Variants in CRIM1 observed in about 807,000 individuals in gnomAD.
The protein encoded by CRIM1 is cysteine-rich motor neuron 1 protein.
A neutral mutation model predicts 116.4 loss-of-function variants in CRIM1; 32 were observed. That is an observed-to-expected ratio of 0.27 (90% confidence interval 0.21 to 0.37). The LOEUF (loss-of-function observed/expected upper bound fraction) is 0.37. Ranked by LOEUF, CRIM1 falls within the 10% of genes least tolerant of loss-of-function variation. The pLI, the probability that CRIM1 is intolerant of heterozygous loss-of-function variation, is 1.00. For missense variants in CRIM1, 1,331 were observed against 1,354.8 expected, an observed-to-expected ratio of 0.98 and a Z score of 0.28; for synonymous variants, 590 against 509.2, an observed-to-expected ratio of 1.16 and a Z score of -2.13.
chr2:36,535,970 C>T (rs905090908), intron 13 of CRIM1, among the ~76,000 whole-genome samples: 1 of 152,144 alleles, frequency 6.6e-6, no homozygotes, highest in African/African-American at 2.4e-5. Flanking sequence ...GGCACATGAG[C>T]GTCTTTGGAT....
chr2:36,415,137 G>A (rs183271865), intron 2 of CRIM1, among the ~76,000 whole-genome samples: 12 of 152,222 alleles, frequency 7.9e-5, no homozygotes, highest in Non-Finnish European at 1.6e-4. Context: ...AATTAGGTTG[G>A]ATTTGGGGGT....
At chr2:36,500,738 A>T (rs1680928084) in intron 8 of CRIM1, among the ~76,000 whole-genome samples, 1 of 152,252 alleles carries the variant, frequency 6.6e-6, no homozygotes, top group Non-Finnish European at 1.5e-5. Flanking sequence ...AGACCTGCAG[A>T]ATGATGCTGA....
chr2:36,452,629 T>G (rs2124973023), intron 4 of CRIM1, among the ~76,000 whole-genome samples: 1 of 152,316 alleles, frequency 6.6e-6, no homozygotes, highest in African/African-American at 2.4e-5. Flanking sequence ...GTGTTTGATT[T>G]GTCAATAATT....
At chr2:36,535,792 A>T (rs1451016420) in intron 13 of CRIM1, among the ~76,000 whole-genome samples, 2 of 152,218 alleles carry the variant, frequency 1.3e-5, no homozygotes, top group African/African-American at 4.8e-5. Context: ...ATAACCACAG[A>T]TTGAAAATAT....
At chr2:36,539,269 C>G (rs1206274212) in intron 14 of CRIM1, among the ~76,000 whole-genome samples, 1 of 152,158 alleles carries the variant, frequency 6.6e-6, no homozygotes, top group African/African-American at 2.4e-5. Context: ...CAGGCAGAAC[C>G]TCTGGGTATA....
chr2:36,468,645 C>T (rs1436229062), intron 5 of CRIM1, among the ~76,000 whole-genome samples: 1 of 152,204 alleles, frequency 6.6e-6, no homozygotes, highest in Non-Finnish European at 1.5e-5. Flanking sequence ...GTCAAGAACC[C>T]ACTGTATGTC....
intron 4 of CRIM1, among the ~76,000 whole-genome samples, chr2:36,456,302 C>T (rs566114642): frequency 5.3e-5 from 8 of 152,246 alleles, no homozygotes; most frequent in African/African-American, 1.4e-4. Flanking sequence ...TGTACACACT[C>T]GGTAAACAGC....
intron 7 of CRIM1, among the ~76,000 whole-genome samples, chr2:36,496,820 C>T (rs976261743): frequency 6.6e-6 from 1 of 152,276 alleles, no homozygotes; most frequent in Non-Finnish European, 1.5e-5. Flanking sequence ...GGTTCTGATC[C>T]TCAAATAACC....
intron 1 of CRIM1, among the ~76,000 whole-genome samples, chr2:36,358,597 A>C (rs1221427202): frequency 6.6e-6 from 1 of 152,038 alleles, no homozygotes; most frequent in Non-Finnish European, 1.5e-5. Context: ...AAATGATGTG[A>C]TCCCTCATAG....
rs79303793 is a variant in CRIM1, at chr2:36,482,620, A to C, written c.1372+2926A>C. On this transcript the variant is annotated intron_variant, in intron 7 of 16. Transcript: ENST00000280527. ...GTTAATGTGCAATAAATAAGCAATC[A>C]CCCAGAAATAGTTAGAGGAAAACCA... Among the ~76,000 whole-genome samples, 294 of 152,348 alleles carry C rather than the reference A, an allele frequency of 1.9e-3. 2 individuals carry two copies. The East Asian group carries it at 0.037, about 19-fold the overall frequency.
intron 5 of CRIM1, among the ~76,000 whole-genome samples, chr2:36,465,219 A>G (rs1270056499): frequency 2.0e-5 from 3 of 152,156 alleles, no homozygotes; most frequent in Non-Finnish European, 4.4e-5. Context: ...CTGAAAAAGG[A>G]TTCTTGGGTC....
intron 2 of CRIM1, among the ~76,000 whole-genome samples, chr2:36,407,286 T>C (rs556563154): frequency 4.6e-5 from 7 of 152,328 alleles, no homozygotes; most frequent in African/African-American, 1.4e-4. Context: ...AACACAGATA[T>C]GTAAAGTGAC....
intron 12 of CRIM1, among the ~76,000 whole-genome samples, chr2:36,518,110 T>C (rs970377135): frequency 6.6e-6 from 1 of 152,220 alleles, no homozygotes; most frequent in African/African-American, 2.4e-5. Flanking sequence ...CTACTTTTTA[T>C]TTCTCAGATA....
At chr2:36,378,199 A>C (rs962066070) in intron 1 of CRIM1, among the ~76,000 whole-genome samples, 1 of 152,226 alleles carries the variant, frequency 6.6e-6, no homozygotes, top group Admixed American at 6.5e-5. Context: ...GTAGCACAGC[A>C]CTGTGTAAGT....
rs775244088 is a variant in CRIM1, at chr2:36,464,659, C to G, written c.991+4C>G. The G allele has an allele frequency of 2.5e-6, 4 of 1,613,612 alleles. No homozygotes were observed. In the East Asian group the frequency reaches 8.9e-5, roughly 36 times the overall value. On this transcript the variant is annotated splice_donor_region_variant and intron_variant, in intron 5 of 16. Coordinates refer to ENST00000280527, the MANE Select transcript of CRIM1 (RefSeq NM_016441.3). ...GATGTCTTTGAATGTGTTAATGGTA[C>G]GTGGGGTTTCTCTTGTTCTCAGAGA...
chr2:36,397,008 C>T (rs1317364922), intron 2 of CRIM1, among the ~76,000 whole-genome samples: 2 of 152,098 alleles, frequency 1.3e-5, no homozygotes, highest in Admixed American at 6.6e-5. Context: ...GAGCAGGGCC[C>T]TCTGTGCCAG....
At chr2:36,376,471 G>A (rs949233947) in intron 1 of CRIM1, among the ~76,000 whole-genome samples, 1 of 152,226 alleles carries the variant, frequency 6.6e-6, no homozygotes, top group East Asian at 1.9e-4. Flanking sequence ...CAACTCGCAT[G>A]AGCGGGAGGA....
chr2:36,443,573 G>A (rs943056998), intron 4 of CRIM1, among the ~76,000 whole-genome samples: 2 of 152,168 alleles, frequency 1.3e-5, no homozygotes, highest in Non-Finnish European at 2.9e-5. Flanking sequence ...TTAATAGGAT[G>A]AGTTAAAACT....
chr2:36,443,995 A>G (rs557914692), intron 4 of CRIM1, among the ~76,000 whole-genome samples: 2 of 152,214 alleles, frequency 1.3e-5, no homozygotes, highest in Non-Finnish European at 2.9e-5. Flanking sequence ...AAGGGGTGAA[A>G]TATCTTGCAA....
Sources: allele counts gnomAD v4.1 joint callset (sites outside exome capture counted in the v4.1 genomes callset), GRCh38; gene constraint gnomAD v4.1.1; transcripts MANE v1.5; gene names NCBI Gene and HGNC (gene_info 2026-07-23, HGNC 2026-07-21).